The following DNAH5 variants were observed in gnomAD, a reference collection of about 807,000 sequenced individuals.
DNAH5 encodes the protein dynein axonemal heavy chain 5.
Under a neutral mutation model 518.2 loss-of-function variants are expected in DNAH5, and 372 were observed. The observed-to-expected ratio is 0.72, with a 90% CI of 0.66 to 0.78. The LOEUF (loss-of-function observed/expected upper bound fraction) is 0.78, where lower values mean the gene tolerates loss of function less well. Among genes scored for constraint, DNAH5 ranks in the 30% least tolerant of loss-of-function variants. The pLI is 0.00. For missense variants in DNAH5, 5,523 were observed against 5,687.0 expected, an observed-to-expected ratio of 0.97 and a Z score of 0.93; for synonymous variants, 2,039 against 2,025.9, an observed-to-expected ratio of 1.01 and a Z score of -0.17.
intron 70 of DNAH5, among the ~76,000 whole-genome samples, chr5:13,724,479 A>C (rs1745458575): frequency 6.6e-6 from 1 of 152,160 alleles, no homozygotes; most frequent in East Asian, 1.9e-4. Context: ...AGGACTTTGG[A>C]CTTGATGCTG....
At chr5:13,781,433 C>T (rs1303618635) in intron 52 of DNAH5, among the ~76,000 whole-genome samples, 1 of 151,872 alleles carries the variant, frequency 6.6e-6, no homozygotes, top group African/African-American at 2.4e-5. Flanking sequence ...GAAGAAAAAC[C>T]CCCAAAATGA....
At chr5:13,972,305 T>C (rs1209735213) in intron 1 of DNAH5, among the ~76,000 whole-genome samples, 1 of 152,200 alleles carries the variant, frequency 6.6e-6, no homozygotes, top group Non-Finnish European at 1.5e-5. Flanking sequence ...GCGCAGTTTC[T>C]ATGCTCATAG....
At position 13,721,214 on chromosome 5, in the gene DNAH5, T is replaced by C. The variant is rs1317100162; in HGVS notation, c.12065A>G (p.Glu4022Gly). ...TAAAATAACACCTTCGGCATATTTTTCTCCCATGGAGTCCACGATGTACTT... is the reference window on the plus strand; with the variant it reads ...TAAAATAACACCTTCGGCATATTTTCCTCCCATGGAGTCCACGATGTACTT... ...ARKYIVDSMG[E>G]KYAEGVILDL... The change falls in exon 71 of 79, where the codon GAA (glutamate) becomes GGA (glycine). Residue 4022 changes from glutamate (E) to glycine (G), a missense_variant. Physicochemically the swap from Glu to Gly is moderately conservative, Grantham distance 98. Transcript: ENST00000265104. 6.2e-7 allele frequency: 1 copy of C among 1,614,144 alleles called. No homozygotes were observed. Among genetic ancestry groups the C allele is most frequent in the South Asian group, 1.1e-5 (1 of 91,084 alleles).
rs1742082204 is a variant in DNAH5 at position 13,701,309 on chromosome 5, TG to T, written c.13465del (p.Gln4489ArgfsTer4). 6.2e-7 allele frequency: 1 copy of T among 1,613,950 alleles called. No individual in the cohort carries two copies. The highest frequency in any genetic ancestry group is 1.7e-5 in the Admixed American group (1 of 59,982). On this transcript the variant is annotated frameshift_variant, in exon 77 of 79. Transcript: ENST00000265104. LOFTEE classifies it high-confidence loss of function. ...CFWMTGFFNP[Q>X]GFLTAMRQEI... ...CTGTCGCATTGCAGTTAAAAATCCC[TG>T]GGGGTTAAAAAAACCCGTCATCCAA...
chr5:13,755,668 A>T (rs1027420490), intron 61 of DNAH5, among the ~76,000 whole-genome samples: 1 of 152,174 alleles, frequency 6.6e-6, no homozygotes, highest in African/African-American at 2.4e-5. Flanking sequence ...CTAACAGTCC[A>T]TCGGAGAGAA....
chr5:13,771,674 G>A lies in DNAH5; in HGVS notation c.9374-694C>T, dbSNP rs1753356989. 2.0e-5 allele frequency among the ~76,000 whole-genome samples: 3 copies of A among 152,172 alleles called. No individual in the cohort carries two copies. The South Asian group carries it at 6.2e-4, about 32-fold the overall frequency. ...GAATGCCTGTTGCGGAGCCACCACT[G>A]CGACGGGTGCCATGGAATGAAAGAG... On this transcript the variant is annotated intron_variant, in intron 55 of 78. Coordinates refer to ENST00000265104, the MANE Select transcript of DNAH5 (RefSeq NM_001369.3).
At chr5:13,842,049 A>G in intron 32 of DNAH5, 145 bp from the exon 33 acceptor site, 1 of 592,542 alleles carries the variant, frequency 1.7e-6, no homozygotes, top group Middle Eastern at 4.4e-4. Flanking sequence ...CTTCAAAACA[A>G]TAAAAAAAAA....
rs1199775515 is a variant in DNAH5, at chr5:13,886,013, A to G, written c.2694T>C (p.Ser898=). 2.5e-6 allele frequency: 4 copies of G among 1,612,710 alleles called. No individual in the cohort carries two copies. The African/African-American group carries it at 4.0e-5, about 16-fold the overall frequency. Residue 898 remains serine (S), a synonymous_variant, in exon 18 of 79, where the codon AGT becomes AGC. Coordinates refer to ENST00000265104, the MANE Select transcript of DNAH5 (RefSeq NM_001369.3). ...CACTATTCTCATTGGATATTTTTTC[A>G]CTTTCTTCTTCAGATAAAACTTCCA... ...LDVEVLSEEE[S]EKISNENSVN... is the part of the protein sequence containing the mutation.
chr5:13,829,914 A>C, intron 37 of DNAH5, 112 bp downstream of exon 37: 2 of 481,018 alleles, frequency 4.2e-6, no homozygotes, highest in East Asian at 2.5e-4. Context: ...AAAGGAGGTA[A>C]AGTTACAATC....
intron 58 of DNAH5, among the ~76,000 whole-genome samples, chr5:13,767,234 C>T (rs1365346051): frequency 6.6e-6 from 1 of 152,184 alleles, no homozygotes; most frequent in Non-Finnish European, 1.5e-5. Context: ...AAGTGATTCT[C>T]GTGCCTCAGC....
Position 13,891,016 on chromosome 5 carries a change from T to A in DNAH5, c.2537A>T (p.Glu846Val). ...AAACTCTTCACAGGTTAGTGGCTCC[T>A]CCTGGGGAAGCTGACAAAGAGGCGT... is the stretch of plus-strand genomic sequence containing the variant. ...SSTPLCQLPQ[E>V]EPLTCEEFLQ... The change falls in exon 17 of 79, where the codon GAG becomes GTG. Residue 846 changes from glutamate to valine, a missense_variant. Glu to Val is a moderately radical substitution (Grantham distance 121). Around this residue, in one of 3 missense-constraint regions of DNAH5, gnomAD observed 5,121 missense variants for 5,223.3 expected, o/e 0.98. Coordinates refer to ENST00000265104, the MANE Select transcript of DNAH5 (RefSeq NM_001369.3). The A allele has an allele frequency of 6.2e-7, 1 of 1,614,196 alleles. No homozygotes were observed. The highest frequency in any genetic ancestry group is 8.5e-7 in the Non-Finnish European group (1 of 1,180,018).
In DNAH5 at chr5:13,902,128, C is replaced by T. The variant is rs943862890; in HGVS notation, c.1655G>A (p.Arg552Gln). ...KQTNDLHNEL[R>Q]KFMDVTFAKI... ...TGCAAATGTAACATCCATGAACTTC[C>T]GCAACTCGTTCTAAAACAGAATAAA... The change falls in exon 13 of 79, where the codon CGG becomes CAG. Residue 552 changes from arginine to glutamine, a missense_variant. Physicochemically the swap from Arg to Gln is conservative, Grantham distance 43. This residue lies in a region of DNAH5 where 5,121 missense variants were observed against 5,223.3 expected (regional missense o/e 0.98). Transcript: ENST00000265104. 27 of 1,605,892 alleles carry T rather than the reference C, an allele frequency of 1.7e-5. No homozygotes were observed. The highest frequency in any genetic ancestry group is 3.3e-4 in the Middle Eastern group (2 of 6,048).
rs558692159 is a variant in DNAH5 at position 13,791,808 on chromosome 5, T to C, written c.8448+186A>G. Reference sequence around the variant, plus strand: ...ACACAAACCTAATTTAATTGGAATTTATCATTGACTGACATTTTCTGACAT... The same window carrying C: ...ACACAAACCTAATTTAATTGGAATTCATCATTGACTGACATTTTCTGACAT... On this transcript the variant is annotated intron_variant, in intron 50 of 78. Transcript: ENST00000265104. Among the ~76,000 whole-genome samples, 9 of 152,348 alleles carry C rather than the reference T, an allele frequency of 5.9e-5. No homozygotes were observed. The South Asian group carries it at 1.9e-3, about 32-fold the overall frequency.
chr5:13,733,231 A>G (rs1291409480), intron 68 of DNAH5, among the ~76,000 whole-genome samples: 3 of 152,226 alleles, frequency 2.0e-5, no homozygotes, highest in African/African-American at 7.2e-5. Flanking sequence ...CAAGATCAAG[A>G]AAGTGACAAA....
chr5:13,860,179 T>C (rs1561450843), intron 29 of DNAH5: 1 of 153,346 alleles, frequency 6.5e-6, no homozygotes. Flanking sequence ...TTAATCTGTC[T>C]TCCCCTTTTC....
At position 13,769,096 on chromosome 5, in the gene DNAH5, T is replaced by C. The variant is rs1192675703; in HGVS notation, c.9761A>G (p.Lys3254Arg). The change falls in exon 58 of 79, where the codon AAG becomes AGG. Residue 3254 changes from lysine to arginine, a missense_variant. Lys to Arg is a conservative substitution (Grantham distance 26). Coordinates refer to ENST00000265104, the MANE Select transcript of DNAH5 (RefSeq NM_001369.3). ...EVTMKAQAAE[K>R]VKAEVQKVKD... ...CACCTTCTGTACCTCAGCCTTGACC[T>C]TTTCAGCAGCCTGTGCTTTCATTGT... 7 of 1,614,170 alleles carry C rather than the reference T, an allele frequency of 4.3e-6. No individual in the cohort carries two copies. In the East Asian group the frequency reaches 1.6e-4, roughly 36 times the overall value.
At chr5:13,726,409 A>C (rs1260091691) in intron 70 of DNAH5, among the ~76,000 whole-genome samples, 1 of 152,250 alleles carries the variant, frequency 6.6e-6, no homozygotes, top group African/African-American at 2.4e-5. Flanking sequence ...TGGTAAGTCC[A>C]GGGATCGGAG....
chr5:13,809,030 A>G lies in DNAH5; in HGVS notation c.7752+14T>C, dbSNP rs1760144559. 2 of 1,613,986 alleles carry G rather than the reference A, an allele frequency of 1.2e-6. No individual in the cohort carries two copies. The highest frequency in any genetic ancestry group is 8.5e-7 in the Non-Finnish European group (1 of 1,179,856). On this transcript the variant is annotated intron_variant, in intron 46 of 78. Coordinates refer to ENST00000265104, the MANE Select transcript of DNAH5 (RefSeq NM_001369.3). ...TTAAAATATGCTACAGTTAATAAAA[A>G]TTAAAAGTCATACCTTGCCCTGTTT...
At chr5:13,816,140 G>T (rs1232280635) in intron 42 of DNAH5, among the ~76,000 whole-genome samples, 1 of 152,152 alleles carries the variant, frequency 6.6e-6, no homozygotes, top group African/African-American at 2.4e-5. Context: ...CTGGCAATTT[G>T]TATTTGACAA....
Sources: gnomAD v4.1 joint callset for allele counts (sites outside exome capture counted in the v4.1 genomes callset) on GRCh38, gnomAD v4.1.1 for gene constraint, gnomAD v4.1.1 regional missense constraint, MANE v1.5 for transcripts, NCBI Gene and HGNC (gene_info 2026-07-23, HGNC 2026-07-21) for gene names.